PLD5: variants seen among roughly 807,000 people sequenced by gnomAD.
The protein encoded by PLD5 is phospholipase D family member 5.
Under a neutral mutation model 61.1 loss-of-function variants are expected in PLD5, and 36 were observed. That is an observed-to-expected ratio of 0.59 (90% CI 0.45 to 0.78). PLD5 has a LOEUF of 0.78. Among genes scored for constraint, PLD5 ranks in the 30% least tolerant of loss-of-function variants. The pLI is 0.00. For missense variants in PLD5, 515 were observed against 644.4 expected (o/e 0.80, Z 2.17); for synonymous variants, 243 against 242.8 (o/e 1.00, Z -0.01).
intron 1 of PLD5, among the ~76,000 whole-genome samples, chr1:242,438,198 TG>T (rs1666092596): frequency 6.6e-6 from 1 of 151,934 alleles, no homozygotes; most frequent in South Asian, 2.1e-4. Context: ...TGAGGTCCAC[TG>T]GGGGTAATCT....
intron 2 of PLD5, among the ~76,000 whole-genome samples, chr1:242,291,970 T>C (rs571876833): frequency 2.6e-5 from 4 of 151,930 alleles, no homozygotes; most frequent in Non-Finnish European, 4.4e-5. Flanking sequence ...GATGACAGGG[T>C]TCAGAAGAGA....
At chr1:242,295,914 A>AT (rs2149149847) in intron 2 of PLD5, among the ~76,000 whole-genome samples, 1 of 152,342 alleles carries the variant, frequency 6.6e-6, no homozygotes, top group Non-Finnish European at 1.5e-5. Context: ...TTTATAAAAT[A>AT]TGATACTTTC....
In PLD5 at chr1:242,220,030, C is replaced by A; in HGVS notation, c.693G>T (p.Val231=). Residue 231 remains valine, a synonymous_variant, in exon 5 of 10, where the codon GTG becomes GTT. Coordinates refer to ENST00000536534, the MANE Select transcript of PLD5 (RefSeq NM_001372062.1). ...SSFWIVDKQH[V]YIGSAGLDWQ... is the part of the protein sequence containing the mutation. ...AGTCCAAACCGGCACTGCCGATATA[C>A]ACGTGCTGTTTGTCCACGATCCAGA... is the stretch of plus-strand genomic sequence containing the variant. 2 of 1,614,218 alleles carry A rather than the reference C, an allele frequency of 1.2e-6. No individual in the cohort carries two copies. The highest frequency in any genetic ancestry group is 8.5e-7 in the Non-Finnish European group (1 of 1,180,022).
chr1:242,316,303 A>G (rs773229915), intron 2 of PLD5, among the ~76,000 whole-genome samples: 1 of 152,206 alleles, frequency 6.6e-6, no homozygotes, highest in East Asian at 1.9e-4. Context: ...AATAGAGCTT[A>G]TAACAGAAAC....
chr1:242,258,882 T>A (rs1221257043), intron 4 of PLD5, among the ~76,000 whole-genome samples: 1 of 152,232 alleles, frequency 6.6e-6, no homozygotes, highest in Non-Finnish European at 1.5e-5. Context: ...AACATTGGAC[T>A]CTGTGTAGAT....
intron 1 of PLD5, among the ~76,000 whole-genome samples, chr1:242,473,664 A>G (rs1465554907): frequency 6.6e-6 from 1 of 152,212 alleles, no homozygotes; most frequent in Non-Finnish European, 1.5e-5. Flanking sequence ...GACTGTTACT[A>G]AAAGCCATAG....
At chr1:242,350,415 A>C (rs982328168) in intron 1 of PLD5, among the ~76,000 whole-genome samples, 2 of 139,990 alleles carry the variant, frequency 1.4e-5, no homozygotes, top group Non-Finnish European at 3.1e-5. Flanking sequence ...TGTTAGTGAT[A>C]AATATATGTA....
chr1:242,364,068 G>A (rs1387231959), intron 1 of PLD5, among the ~76,000 whole-genome samples: 1 of 151,868 alleles, frequency 6.6e-6, no homozygotes, highest in Non-Finnish European at 1.5e-5. Context: ...ATTTTACAAT[G>A]GTAAAGGGGT....
chr1:242,225,938 T>C (rs1172605374), intron 4 of PLD5, among the ~76,000 whole-genome samples: 1 of 152,336 alleles, frequency 6.6e-6, no homozygotes, highest in East Asian at 1.9e-4. Context: ...TGTTTAACTT[T>C]ATAAGAAACT....
At chr1:242,168,847 T>TTTTTTTTTTG (rs1491398881) in intron 5 of PLD5, among the ~76,000 whole-genome samples, 197 of 4,450 alleles carry the variant, frequency 0.044, 8 homozygotes, top group African/African-American at 0.07. Flanking sequence ...ATTAATGAAG[T>TTTTTTTTTTG]TTTTTTTTTT....
chr1:242,255,868 G>A (rs1230464169), intron 4 of PLD5, among the ~76,000 whole-genome samples: 1 of 152,182 alleles, frequency 6.6e-6, no homozygotes, highest in Non-Finnish European at 1.5e-5. Flanking sequence ...ATTAACAAGA[G>A]TGACAGAGAT....
intron 5 of PLD5, among the ~76,000 whole-genome samples, chr1:242,198,725 G>C (rs1227557590): frequency 8.5e-6 from 1 of 117,220 alleles, no homozygotes. Context: ...AAAAAAAAAA[G>C]TAAAATATCT....
At chr1:242,265,315 A>G in intron 4 of PLD5, 22 bp downstream of exon 4, 1 of 1,596,730 alleles carries the variant, frequency 6.3e-7, no homozygotes, top group Non-Finnish European at 8.5e-7. Context: ...GCGGTAGAAT[A>G]GCATATCAAC....
At chr1:242,329,914 C>T (rs1025412014) in intron 2 of PLD5, among the ~76,000 whole-genome samples, 6 of 152,136 alleles carry the variant, frequency 3.9e-5, no homozygotes, top group South Asian at 2.1e-4. Flanking sequence ...TAAGATCAAC[C>T]GGCTACTAAG....
chr1:242,316,063 G>C (rs143109828), intron 2 of PLD5, among the ~76,000 whole-genome samples: 8 of 152,096 alleles, frequency 5.3e-5, no homozygotes, highest in African/African-American at 1.9e-4. Flanking sequence ...CTGTTTCCTC[G>C]TGTGGAAAAA....
chr1:242,396,676 T>TTTTTTC (rs1663597374), intron 1 of PLD5, among the ~76,000 whole-genome samples: 1 of 136,692 alleles, frequency 7.3e-6, no homozygotes, highest in Non-Finnish European at 1.6e-5. Flanking sequence ...TTCTTTTCTT[T>TTTTTTC]TTTTTTTTTT....
chr1:242,168,095 G>T (rs559772873), intron 5 of PLD5, among the ~76,000 whole-genome samples: 1 of 152,236 alleles, frequency 6.6e-6, no homozygotes, highest in South Asian at 2.1e-4. Flanking sequence ...AGGAACAGCT[G>T]GTCTTTTAAT....
intron 1 of PLD5, among the ~76,000 whole-genome samples, chr1:242,491,545 G>A (rs958722809): frequency 5.9e-5 from 9 of 152,258 alleles, no homozygotes; most frequent in East Asian, 3.9e-4. Context: ...TAGTAAACAC[G>A]TATATTATAT....
chr1:242,277,573 C>T (rs913760033), intron 3 of PLD5, among the ~76,000 whole-genome samples: 3 of 148,734 alleles, frequency 2.0e-5, no homozygotes, highest in African/African-American at 7.5e-5. Flanking sequence ...GTTATATTAA[C>T]TTAACCTGGT....
Sources: allele counts gnomAD v4.1 joint callset (sites outside exome capture counted in the v4.1 genomes callset), GRCh38; gene constraint gnomAD v4.1.1; transcripts MANE v1.5; gene names NCBI Gene and HGNC (gene_info 2026-07-23, HGNC 2026-07-21).